TTC39A: variants seen among roughly 807,000 people sequenced by gnomAD.
The protein encoded by TTC39A is tetratricopeptide repeat protein 39A.
TTC39A carries 46 observed loss-of-function variants against 82.3 expected under a neutral mutation model. The observed-to-expected ratio is 0.56, with a 90% CI of 0.44 to 0.71. The LOEUF is 0.71. Among genes scored for constraint, TTC39A ranks in the 30% least tolerant of loss-of-function variants. TTC39A has a pLI of 0.00. For missense variants in TTC39A, 543 were observed against 712.9 expected, an observed-to-expected ratio of 0.76 and a Z score of 2.71; for synonymous variants, 254 against 275.2, an observed-to-expected ratio of 0.92 and a Z score of 0.76.
In TTC39A at chr1:51,296,198, G is replaced by A. The variant is rs762514809; in HGVS notation, c.1054-28C>T. The A allele has an allele frequency of 5.8e-6, 9 of 1,564,706 alleles. No homozygotes were observed. In the Admixed American group the frequency reaches 1.7e-4, roughly 30 times the overall value. On this transcript the variant is annotated intron_variant, in intron 12 of 17. Transcript: ENST00000680483. ...GTGCGAGACAGAGCAACAGCCAGGT[G>A]TGAGCAGCCCTCCTCCAGCCCCAGC...
intron 1 of TTC39A, among the ~76,000 whole-genome samples, chr1:51,326,154 G>A (rs939145348): frequency 6.6e-5 from 10 of 152,178 alleles, no homozygotes; most frequent in East Asian, 1.9e-4. Flanking sequence ...GGCAGTGACC[G>A]CTACAGTGCT....
At chr1:51,301,165 G>A (rs560360877) in intron 12 of TTC39A, 1 of 166,312 alleles carries the variant, frequency 6.0e-6, no homozygotes, top group East Asian at 1.5e-4. Context: ...GCCCTACATG[G>A]CTATTTAAAT....
chr1:51,320,436 T>G (rs1398138195), intron 2 of TTC39A, among the ~76,000 whole-genome samples: 3 of 95,326 alleles, frequency 3.1e-5, no homozygotes, highest in Admixed American at 1.1e-4. Context: ...TTTTTTTTTT[T>G]GAGACAGGGT....
intron 2 of TTC39A, among the ~76,000 whole-genome samples, chr1:51,313,747 C>T (rs914828221): frequency 8.5e-5 from 13 of 152,346 alleles, no homozygotes; most frequent in Non-Finnish European, 5.9e-5. Context: ...GCCTGTAATC[C>T]CAGCACTCTG....
rs752385688 is a variant in TTC39A, at chr1:51,294,551, A to G, written c.1146-40T>C. On this transcript the variant is annotated intron_variant, in intron 13 of 17. Coordinates refer to ENST00000680483, the MANE Select transcript of TTC39A (RefSeq NM_001297663.2). The surrounding 1 kb of genome is among the most constrained non-coding windows in gnomAD (Gnocchi z 4.3). The stretch of plus-strand genomic sequence containing the variant: ...GGGAGGGTGGGAGAGGATGAAAAAG[A>G]GCAGGAGAGGGCAGAGGGTCCCCAG... 9 of 1,612,526 alleles carry G rather than the reference A, an allele frequency of 5.6e-6. No homozygotes were observed. The highest frequency in any genetic ancestry group is 7.6e-6 in the Non-Finnish European group (9 of 1,179,486).
rs1319970218 is a variant in TTC39A at position 51,344,950 on chromosome 1, C to G, written c.53+41G>C. 2.6e-6 allele frequency: 4 copies of G among 1,525,930 alleles called. No homozygotes were observed. In the East Asian group the frequency reaches 8.1e-5, roughly 31 times the overall value. The allele number at this position is 1,525,930 out of a possible 1,614,324, so 94.5% of individuals were successfully genotyped here. Reference sequence around the variant, plus strand: ...TGGGTCCTCCGGCGGCCCCTTGGTCCCGTCCGCGCCTTCCGCCGAGTCCCC... The same window carrying G: ...TGGGTCCTCCGGCGGCCCCTTGGTCGCGTCCGCGCCTTCCGCCGAGTCCCC... On this transcript the variant is annotated intron_variant, in intron 1 of 5. Transcript: ENST00000401051.
chr1:51,306,054 ACTGAACAAGG>A lies in TTC39A; in HGVS notation c.501_510del (p.Leu168ProfsTer17), dbSNP rs1569861672. 6.2e-7 allele frequency: 1 copy of A among 1,613,936 alleles called. No homozygotes were observed. Among genetic ancestry groups the A allele is most frequent in the East Asian group, 2.2e-5 (1 of 44,880 alleles). On this transcript the variant is annotated frameshift_variant, in exon 7 of 18. Transcript: ENST00000680483. LOFTEE classifies it high-confidence loss of function. Reference sequence around the variant, plus strand: ...TTCTCACCCTTGCAGTATTGTGAGGACTGAACAAGGCTGTCCAGCTCCCTGCAGAGAGATG... The same window carrying A: ...TTCTCACCCTTGCAGTATTGTGAGGACTGTCCAGCTCCCTGCAGAGAGATG...
intron 16 of TTC39A, among the ~76,000 whole-genome samples, 193 bp from the exon 17 acceptor site, chr1:51,289,148 T>C (rs573890759): frequency 6.8e-4 from 103 of 152,290 alleles, no homozygotes; most frequent in African/African-American, 2.4e-3. Flanking sequence ...GCTCCTGTCA[T>C]GTCCTTAGTC....
chr1:51,322,224 C>G, intron 1 of TTC39A: 1 of 1,506,366 alleles, frequency 6.6e-7, no homozygotes, highest in Non-Finnish European at 8.9e-7. Context: ...CCCTTTTTCC[C>G]TCCTCCTTCT....
intron 1 of TTC39A, among the ~76,000 whole-genome samples, chr1:51,323,285 A>G (rs1357782246): frequency 6.7e-6 from 1 of 148,432 alleles, no homozygotes; most frequent in East Asian, 2.0e-4. Flanking sequence ...CCTTTTTTAT[A>G]AAGAATTTTT....
At chr1:51,340,664 C>T (rs1233599445) in intron 1 of TTC39A, among the ~76,000 whole-genome samples, 1 of 152,196 alleles carries the variant, frequency 6.6e-6, no homozygotes, top group Non-Finnish European at 1.5e-5. Context: ...CAGACTAAAG[C>T]TGGTGAAGCC....
At chr1:51,295,318 T>C (rs1437384859) in intron 13 of TTC39A, among the ~76,000 whole-genome samples, 1 of 152,156 alleles carries the variant, frequency 6.6e-6, no homozygotes, top group Admixed American at 6.5e-5. Context: ...ATAAATGCCC[T>C]ATTATTGTGA....
At chr1:51,318,070 C>T (rs1204911767) in intron 2 of TTC39A, among the ~76,000 whole-genome samples, 9 of 152,168 alleles carry the variant, frequency 5.9e-5, no homozygotes, top group Non-Finnish European at 1.0e-4. Flanking sequence ...TCCTGTGTTT[C>T]GACTCCCTTC....
At chr1:51,310,889 A>T (rs1422855568) in intron 5 of TTC39A, among the ~76,000 whole-genome samples, 1 of 152,252 alleles carries the variant, frequency 6.6e-6, no homozygotes, top group Admixed American at 6.5e-5. Context: ...ACCGTGTGCA[A>T]AAAGTCTGGT....
chr1:51,302,487 G>A lies in TTC39A; in HGVS notation c.831+19C>T, dbSNP rs201158499. 442 of 1,608,482 alleles carry A rather than the reference G, an allele frequency of 2.7e-4. No homozygotes were observed. The highest frequency in any genetic ancestry group is 3.5e-4 in the Non-Finnish European group (415 of 1,177,446). On this transcript the variant is annotated intron_variant, in intron 10 of 17. Transcript: ENST00000680483. ...GGGTGTTTGTGGGCTGGGGGTACCG[G>A]GCAGCACATGGGGCTCACCTTAGGG...
intron 1 of TTC39A, among the ~76,000 whole-genome samples, chr1:51,327,674 T>C (rs1645761494): frequency 6.6e-6 from 1 of 151,988 alleles, no homozygotes; most frequent in Non-Finnish European, 1.5e-5. Flanking sequence ...GTAATTATTA[T>C]TTTTTTCTAA....
chr1:51,306,863 C>G (rs971947153), intron 6 of TTC39A, among the ~76,000 whole-genome samples: 21 of 114,600 alleles, frequency 1.8e-4, no homozygotes, highest in Non-Finnish European at 3.5e-4. Flanking sequence ...ACCCCCCCCC[C>G]CCGCCCCCCG....
intron 6 of TTC39A, 33 bp downstream of exon 6, chr1:51,309,228 T>C: frequency 6.3e-7 from 1 of 1,577,422 alleles, no homozygotes; most frequent in Non-Finnish European, 8.6e-7. Context: ...TGGCCCAGGG[T>C]CTCCCCACAA....
intron 1 of TTC39A, among the ~76,000 whole-genome samples, chr1:51,325,351 G>A (rs1465054262): frequency 6.6e-6 from 1 of 151,992 alleles, no homozygotes; most frequent in Non-Finnish European, 1.5e-5. Flanking sequence ...CCTTTCCATG[G>A]CCTAAAAGGC....
Sources: allele counts gnomAD v4.1 joint callset (sites outside exome capture counted in the v4.1 genomes callset), GRCh38; gene constraint gnomAD v4.1.1; non-coding constraint Gnocchi (gnomAD v3.1); transcripts MANE v1.5; gene names NCBI Gene and HGNC (gene_info 2026-07-23, HGNC 2026-07-21).